Variants in MYBPC1 observed in about 807,000 individuals in gnomAD.
MYBPC1 encodes myosin-binding protein C, slow-type.
A neutral mutation model predicts 147.1 loss-of-function variants in MYBPC1; 52 were observed. The ratio of observed to expected loss-of-function variants is 0.35; its 90% CI spans 0.28 to 0.45. The LOEUF (loss-of-function observed/expected upper bound fraction) is 0.45, where lower values mean the gene tolerates loss of function less well. Ranked by LOEUF, MYBPC1 falls within the 20% of genes least tolerant of loss-of-function variation. The pLI, the probability that MYBPC1 is intolerant of heterozygous loss-of-function variation, is 1.00. For missense variants in MYBPC1, 1,228 were observed against 1,440.3 expected (o/e 0.85, Z 2.39); for synonymous variants, 477 against 475.9 (o/e 1.00, Z -0.03).
At chr12:101,631,473 A>G in intron 6 of MYBPC1, 98 bp from the exon 7 acceptor site, 9 of 1,324,976 alleles carry the variant, frequency 6.8e-6, no homozygotes, top group Non-Finnish European at 9.7e-6. Flanking sequence ...CAATCACACC[A>G]TATTCTGTAG....
intron 9 of MYBPC1, 99 bp downstream of exon 9, chr12:101,634,704 G>A (rs1427820099): frequency 9.0e-6 from 9 of 998,854 alleles, no homozygotes; most frequent in Admixed American, 3.6e-5. Context: ...TTCCAAATAC[G>A]AACAACACTT....
chr12:101,616,171 G>A (rs1206443713), intron 2 of MYBPC1, among the ~76,000 whole-genome samples: 2 of 152,144 alleles, frequency 1.3e-5, no homozygotes, highest in Non-Finnish European at 1.5e-5. Flanking sequence ...GAGTTCAAAC[G>A]GGAAAGCTCA....
rs184795510 is a variant in MYBPC1 at position 101,599,188 on chromosome 12, C to A, written c.25+4093C>A. Among the ~76,000 whole-genome samples, 81 of 152,280 alleles carry A rather than the reference C, an allele frequency of 5.3e-4. No individual in the cohort carries two copies. In the East Asian group the frequency reaches 8.5e-3, roughly 16 times the overall value. ...GTGCCATTCTGATAACTTTAGGAAGCAAAGGCATGGCTTTGTTACTGCAGA... is the reference window on the plus strand; with the variant it reads ...GTGCCATTCTGATAACTTTAGGAAGAAAAGGCATGGCTTTGTTACTGCAGA... On this transcript the variant is annotated intron_variant, in intron 1 of 31. Coordinates refer to ENST00000361466, the MANE Select transcript of MYBPC1 (RefSeq NM_002465.4).
chr12:101,681,049 A>G (rs868180341), intron 29 of MYBPC1, among the ~76,000 whole-genome samples: 2 of 152,236 alleles, frequency 1.3e-5, no homozygotes, highest in African/African-American at 2.4e-5. Context: ...TATACATATT[A>G]TAACAGGCTG....
rs825079 is a variant in MYBPC1, at chr12:101,614,325, T to A, written c.26-171T>A. Among the ~76,000 whole-genome samples the A allele has an allele frequency of 0.39, 54,017 of 139,794 alleles. 10,367 individuals are homozygous for A. Among genetic ancestry groups the A allele is most frequent in the African/African-American group, 0.55 (20,439 of 37,384 alleles). 91.7% of individuals were successfully genotyped at this position (139,794 alleles called of 152,430 possible). ...ATGCAGTAGGGTGTGTGTGTGTGTG[T>A]GAGAGAGAGAGAGAGAGAGAGAAGA... On this transcript the variant is annotated intron_variant, in intron 1 of 31. Coordinates refer to ENST00000361466, the MANE Select transcript of MYBPC1 (RefSeq NM_002465.4).
intron 10 of MYBPC1, among the ~76,000 whole-genome samples, chr12:101,641,836 TTTTTA>T (rs1042798843): frequency 2.0e-4 from 31 of 152,014 alleles, no homozygotes; most frequent in Non-Finnish European, 3.8e-4. Flanking sequence ...CAATTTTTTT[TTTTTA>T]TTTTAAGAAA....
the MYBPC1 span, among the ~76,000 whole-genome samples, chr12:101,692,159 A>G: frequency 6.6e-6 from 1 of 152,280 alleles, no homozygotes; most frequent in African/African-American, 2.4e-5. Context: ...TGGGGAAGAG[A>G]TATTAGGGAG....
intron 3 of MYBPC1, among the ~76,000 whole-genome samples, chr12:101,619,554 G>A (rs1328792241): frequency 6.6e-6 from 1 of 152,166 alleles, no homozygotes; most frequent in Non-Finnish European, 1.5e-5. Flanking sequence ...ACCATTCAAT[G>A]GTAATCTGGA....
At chr12:101,661,794 G>A (rs1896591234) in intron 20 of MYBPC1, among the ~76,000 whole-genome samples, 2 of 151,476 alleles carry the variant, frequency 1.3e-5, no homozygotes, top group South Asian at 4.2e-4. Context: ...TACTCAGGAG[G>A]CTGAGGTGGG....
At chr12:101,606,313 T>A (rs1023294253) in intron 1 of MYBPC1, among the ~76,000 whole-genome samples, 3 of 152,112 alleles carry the variant, frequency 2.0e-5, no homozygotes, top group African/African-American at 7.2e-5. Flanking sequence ...AAAACTTCAC[T>A]GTCTATTTGT....
chr12:101,634,642 A>G (rs781402036), intron 9 of MYBPC1, 37 bp downstream of exon 9: 2 of 1,501,864 alleles, frequency 1.3e-6, no homozygotes, highest in Middle Eastern at 1.7e-4. Flanking sequence ...GCTTTTGTAT[A>G]ACACAGAAGT....
At chr12:101,603,457 C>A (rs1307592409) in intron 1 of MYBPC1, among the ~76,000 whole-genome samples, 1 of 152,138 alleles carries the variant, frequency 6.6e-6, no homozygotes, top group African/African-American at 2.4e-5. Flanking sequence ...TCTCCATGAC[C>A]ACATATGGAT....
chr12:101,623,992 G>A (rs1035296280), intron 3 of MYBPC1, among the ~76,000 whole-genome samples: 9 of 152,066 alleles, frequency 5.9e-5, no homozygotes, highest in Non-Finnish European at 8.8e-5. Context: ...CTAAGTTTGG[G>A]AGGTGCTAAC....
At chr12:101,605,917 A>C (rs1481429970) in intron 1 of MYBPC1, among the ~76,000 whole-genome samples, 1 of 151,890 alleles carries the variant, frequency 6.6e-6, no homozygotes, top group East Asian at 1.9e-4. Flanking sequence ...GAATACAGCC[A>C]AGTGTGGTGA....
At chr12:101,666,709 T>A (rs1258346119) in intron 22 of MYBPC1, 5 of 1,561,056 alleles carry the variant, frequency 3.2e-6, no homozygotes, top group Non-Finnish European at 4.4e-6. Context: ...TGAAAGTGGG[T>A]GTCTTTAATT....
chr12:101,618,854 C>CAT (rs1886743736), intron 3 of MYBPC1, among the ~76,000 whole-genome samples: 1 of 136,798 alleles, frequency 7.3e-6, no homozygotes, highest in Admixed American at 7.4e-5. Context: ...CAAAAACTGC[C>CAT]GTGTGTGTGT....
downstream of MYBPC1, among the ~76,000 whole-genome samples, chr12:101,688,435 T>A (rs1435396812): frequency 6.6e-6 from 1 of 151,994 alleles, no homozygotes; most frequent in Non-Finnish European, 1.5e-5. Flanking sequence ...AAATTTTTTT[T>A]AAGGTTCACG....
chr12:101,636,497 C>T (rs1397585961), intron 9 of MYBPC1, among the ~76,000 whole-genome samples, 175 bp from the exon 10 acceptor site: 1 of 152,154 alleles, frequency 6.6e-6, no homozygotes, highest in Non-Finnish European at 1.5e-5. Context: ...TACTTTTCCA[C>T]AAGTACATAC....
intron 18 of MYBPC1, among the ~76,000 whole-genome samples, chr12:101,654,565 G>GATACATACT (rs1367382143): frequency 6.6e-6 from 1 of 152,178 alleles, no homozygotes; most frequent in East Asian, 1.9e-4. Context: ...GAGTTCATAG[G>GATACATACT]ATACATACTA....
Sources: gnomAD v4.1 joint callset for allele counts (sites outside exome capture counted in the v4.1 genomes callset) on GRCh38, gnomAD v4.1.1 for gene constraint, MANE v1.5 for transcripts, NCBI Gene and HGNC (gene_info 2026-07-23, HGNC 2026-07-21) for gene names.